Variants in GSE1 observed in about 807,000 individuals in gnomAD.
GSE1 encodes genetic suppressor element 1.
A neutral mutation model predicts 112.6 loss-of-function variants in GSE1; 32 were observed. That is an observed-to-expected ratio of 0.28 (90% confidence interval 0.21 to 0.38). The LOEUF is 0.38. Ranked by LOEUF, GSE1 falls within the 10% of genes least tolerant of loss-of-function variation. The probability of loss-of-function intolerance (pLI) is 1.00; values close to 1 mark genes in which losing one functional copy is unlikely to be tolerated. For synonymous variants in GSE1, 1,115 were observed against 735.6 expected, an observed-to-expected ratio of 1.52 and a Z score of -8.35; for missense variants, 2,348 against 1,699.2, an observed-to-expected ratio of 1.38 and a Z score of -6.71.
At chr16:85,348,282 C>A (rs962837259) in intron 1 of GSE1, among the ~76,000 whole-genome samples, 1 of 146,176 alleles carries the variant, frequency 6.8e-6, no homozygotes, top group African/African-American at 2.5e-5. Context: ...TCCATCTATC[C>A]ATCCATCCAC....
At chr16:85,639,124 C>G (rs1205979418) in intron 2 of GSE1, among the ~76,000 whole-genome samples, 1 of 152,226 alleles carries the variant, frequency 6.6e-6, no homozygotes, top group Non-Finnish European at 1.5e-5. Context: ...GCGTCCCTGA[C>G]CCTGTTCTGC....
chr16:85,506,228 C>A (rs532754448), intron 2 of GSE1, among the ~76,000 whole-genome samples: 1 of 152,324 alleles, frequency 6.6e-6, no homozygotes, highest in Non-Finnish European at 1.5e-5. Flanking sequence ...CACCGCCAGC[C>A]ACATGTGGCT....
chr16:85,453,196 C>A (rs2049733628), intron 2 of GSE1, among the ~76,000 whole-genome samples: 1 of 152,140 alleles, frequency 6.6e-6, no homozygotes. Flanking sequence ...TAGACATTGG[C>A]ACGGCTGATG....
chr16:85,354,777 C>G (rs1280449524), intron 1 of GSE1, among the ~76,000 whole-genome samples: 1 of 152,250 alleles, frequency 6.6e-6, no homozygotes, highest in Non-Finnish European at 1.5e-5. Context: ...GAGCTGCCGT[C>G]TGTGCTGCAT....
chr16:85,403,170 G>C (rs1375533094), intron 2 of GSE1, among the ~76,000 whole-genome samples: 1 of 152,180 alleles, frequency 6.6e-6, no homozygotes, highest in Non-Finnish European at 1.5e-5. Flanking sequence ...GCCACGCTGA[G>C]CTCACCACAG....
At chr16:85,398,858 T>C (rs567056741) in intron 2 of GSE1, among the ~76,000 whole-genome samples, 1 of 152,238 alleles carries the variant, frequency 6.6e-6, no homozygotes, top group South Asian at 2.1e-4. Flanking sequence ...TAGACATGTA[T>C]AATGCATGTC....
chr16:85,383,612 G>C (rs2047617133), intron 2 of GSE1, among the ~76,000 whole-genome samples: 1 of 150,680 alleles, frequency 6.6e-6, no homozygotes, highest in Non-Finnish European at 1.5e-5. Context: ...GACCAGCCTG[G>C]GTGACCATGA....
Position 85,419,125 on chromosome 16 carries a change from A to G in GSE1, c.2464+61482A>G, listed in dbSNP as rs2048768284. 6.6e-6 allele frequency among the ~76,000 whole-genome samples: 1 copy of G among 152,026 alleles called. No homozygotes were observed. The highest frequency in any genetic ancestry group is 2.4e-5 in the African/African-American group (1 of 41,382). On this transcript the variant is annotated intron_variant, in intron 2 of 2. Coordinates refer to the GSE1 transcript ENST00000637419. The surrounding 1 kb of genome is among the most constrained non-coding windows in gnomAD (Gnocchi z 6.5). ...CGTGTAAAGCTGGGAGACTGGGGAG[A>G]CACCTTGGGAGTGAGTGACGTGATG...
chr16:85,408,164 C>T (rs1318674391), intron 2 of GSE1, among the ~76,000 whole-genome samples: 2 of 40,758 alleles, frequency 4.9e-5, no homozygotes, highest in Admixed American at 1.9e-4. Flanking sequence ...TCAGGGCCCC[C>T]CGGATAATCC....
chr16:85,449,223 G>A (rs1230681821), intron 2 of GSE1, among the ~76,000 whole-genome samples: 5 of 152,206 alleles, frequency 3.3e-5, no homozygotes, highest in African/African-American at 1.2e-4. Flanking sequence ...TAGTGGCAGT[G>A]TATTGGCTTG....
At chr16:85,261,306 C>CCACT (rs143430773) in intron 1 of GSE1, among the ~76,000 whole-genome samples, 6,478 of 152,300 alleles carry the variant, frequency 0.043, 186 homozygotes, top group Non-Finnish European at 0.068. Context: ...CCTGGTGCCC[C>CCACT]CACTCACTCA....
At chr16:85,261,922 G>A (rs1243755842) in intron 1 of GSE1, among the ~76,000 whole-genome samples, 2 of 152,180 alleles carry the variant, frequency 1.3e-5, no homozygotes, top group African/African-American at 4.8e-5. Flanking sequence ...TGTATCCTGA[G>A]ATATGTGTAT....
chr16:85,259,636 G>A (rs1036961730), intron 1 of GSE1, among the ~76,000 whole-genome samples: 3 of 152,230 alleles, frequency 2.0e-5, no homozygotes, highest in African/African-American at 7.2e-5. Context: ...AAGCATCAGT[G>A]CCAGATGGGG....
At chr16:85,544,541 G>A (rs761718184) in intron 2 of GSE1, among the ~76,000 whole-genome samples, 1 of 152,156 alleles carries the variant, frequency 6.6e-6, no homozygotes, top group Non-Finnish European at 1.5e-5. Context: ...GAGGGCCCTC[G>A]GGCATCCCAC....
At chr16:85,546,381 G>A (rs549343019) in intron 2 of GSE1, among the ~76,000 whole-genome samples, 12 of 152,230 alleles carry the variant, frequency 7.9e-5, no homozygotes, top group South Asian at 2.1e-4. Context: ...CACCCCGCCC[G>A]GCCTGTGTTG....
chr16:85,375,807 C>G (rs1248505322), intron 2 of GSE1, among the ~76,000 whole-genome samples: 2 of 152,220 alleles, frequency 1.3e-5, no homozygotes, highest in Non-Finnish European at 2.9e-5. Flanking sequence ...CCCTGTGACT[C>G]TCTCCCCTTC....
chr16:85,562,422 C>G (rs778485297), intron 1 of GSE1, among the ~76,000 whole-genome samples: 8 of 152,136 alleles, frequency 5.3e-5, no homozygotes, highest in Middle Eastern at 3.4e-3. Flanking sequence ...TGTTGTTACG[C>G]CATGGGTGGG....
intron 2 of GSE1, among the ~76,000 whole-genome samples, chr16:85,535,455 C>G (rs1055034312): frequency 1.3e-5 from 2 of 152,248 alleles, no homozygotes; most frequent in Non-Finnish European, 2.9e-5. Flanking sequence ...TTTACAGACA[C>G]CCTCAGCCTG....
intron 2 of GSE1, among the ~76,000 whole-genome samples, chr16:85,512,586 A>T (rs906520081): frequency 6.6e-6 from 1 of 152,124 alleles, no homozygotes; most frequent in African/African-American, 2.4e-5. Context: ...TCTGAGGCAA[A>T]TGGCTGATTG....
Sources: allele counts gnomAD v4.1 joint callset (sites outside exome capture counted in the v4.1 genomes callset), GRCh38; gene constraint gnomAD v4.1.1; non-coding constraint Gnocchi (gnomAD v3.1); transcripts MANE v1.5; gene names NCBI Gene and HGNC (gene_info 2026-07-23, HGNC 2026-07-21).